SH2D4B: variants seen among roughly 807,000 people sequenced by gnomAD.
SH2D4B encodes the protein SH2 domain containing 4B.
In SH2D4B, 45 loss-of-function variants were observed where a neutral mutation model predicts 61.5. The observed-to-expected ratio is 0.73, with a 90% CI of 0.58 to 0.94. The LOEUF (loss-of-function observed/expected upper bound fraction) is 0.94, where lower values mean the gene tolerates loss of function less well. Among genes scored for constraint, SH2D4B ranks in the 40% least tolerant of loss-of-function variants. The pLI is 0.00. For synonymous variants in SH2D4B, 224 were observed against 220.4 expected (o/e 1.02, Z -0.14); for missense variants, 572 against 574.2 (o/e 1.00, Z 0.04).
chr10:80,630,741 G>A (rs1842822856), intron 6 of SH2D4B, among the ~76,000 whole-genome samples: 1 of 152,148 alleles, frequency 6.6e-6, no homozygotes, highest in Non-Finnish European at 1.5e-5. Flanking sequence ...GGAGAGAAGA[G>A]GATGGGGCTT....
intron 4 of SH2D4B, among the ~76,000 whole-genome samples, chr10:80,591,377 A>C (rs754981502): frequency 2.0e-5 from 3 of 151,854 alleles, no homozygotes; most frequent in Non-Finnish European, 4.4e-5. Flanking sequence ...ATAGTTCTGG[A>C]GGCTGGGAAG....
intron 1 of SH2D4B, among the ~76,000 whole-genome samples, chr10:80,566,008 G>A (rs765747410): frequency 6.3e-5 from 9 of 143,394 alleles, no homozygotes; most frequent in African/African-American, 1.8e-4. Context: ...GGAAGATGGC[G>A]TGAACCCAGG....
chr10:80,615,779 G>C (rs528393531), intron 6 of SH2D4B, among the ~76,000 whole-genome samples: 1 of 152,328 alleles, frequency 6.6e-6, no homozygotes, highest in African/African-American at 2.4e-5. Context: ...TTGGGATCTT[G>C]GCAGTGTGGA....
chr10:80,635,940 A>G (rs1840157627), intron 7 of SH2D4B, among the ~76,000 whole-genome samples: 2 of 151,334 alleles, frequency 1.3e-5, no homozygotes, highest in East Asian at 1.9e-4. Flanking sequence ...TAATGCTATC[A>G]CTCCCCCTTC....
At chr10:80,634,256 T>G in intron 6 of SH2D4B, 29 bp from the exon 7 acceptor site, 24 of 1,482,706 alleles carry the variant, frequency 1.6e-5, no homozygotes, top group Non-Finnish European at 2.2e-5. Flanking sequence ...ACCTGCTGTG[T>G]TTTTTTGTTT....
intron 6 of SH2D4B, among the ~76,000 whole-genome samples, chr10:80,617,106 C>T (rs1842669915): frequency 6.6e-6 from 1 of 152,238 alleles, no homozygotes. Flanking sequence ...CATGCTCTTA[C>T]CTGTGATGCA....
intron 1 of SH2D4B, among the ~76,000 whole-genome samples, chr10:80,565,835 A>G (rs993630073): frequency 6.6e-6 from 1 of 152,076 alleles, no homozygotes; most frequent in African/African-American, 2.4e-5. Context: ...TCACGCCTGT[A>G]ATCCCAGCAC....
chr10:80,589,659 A>C (rs1052822597), intron 4 of SH2D4B, among the ~76,000 whole-genome samples: 1 of 152,192 alleles, frequency 6.6e-6, no homozygotes, highest in African/African-American at 2.4e-5. Flanking sequence ...CAGCAGACAG[A>C]TATATAGACT....
intron 4 of SH2D4B, among the ~76,000 whole-genome samples, chr10:80,593,132 A>C (rs1288549102): frequency 6.6e-6 from 1 of 152,192 alleles, no homozygotes; most frequent in Non-Finnish European, 1.5e-5. Flanking sequence ...GGGCAGTATG[A>C]GACCTCCATG....
intron 3 of SH2D4B, among the ~76,000 whole-genome samples, chr10:80,587,130 GTTTTTTTTTTTTTTT>G: frequency 1.5e-5 from 1 of 67,244 alleles, no homozygotes; most frequent in Non-Finnish European, 2.5e-5. Flanking sequence ...TTCCGGCCAC[GTTTTTTTTTTTTTTT>G]GTTTTGTTTT....
At chr10:80,543,306 CG>C (rs1447831941) in intron 1 of SH2D4B, among the ~76,000 whole-genome samples, 2 of 152,066 alleles carry the variant, frequency 1.3e-5, no homozygotes, top group African/African-American at 4.8e-5. Flanking sequence ...GCGCGAGTTC[CG>C]GGGGGCGTGG....
chr10:80,622,394 A>G lies in SH2D4B; in HGVS notation c.989-11891A>G, dbSNP rs149458783. 2.5e-3 allele frequency among the ~76,000 whole-genome samples: 376 copies of G among 152,242 alleles called. 2 individuals are homozygous for G. The highest frequency in any genetic ancestry group is 8.8e-3 in the African/African-American group (364 of 41,550). ...TTTTCTGTGGCTAAGTTTTACATGA[A>G]ATTAGTTTTCCTGAATTTTTGCAGT... On this transcript the variant is annotated intron_variant, in intron 6 of 7. Coordinates refer to ENST00000646907, the MANE Select transcript of SH2D4B (RefSeq NM_001388272.1).
At chr10:80,635,959 G>A (rs1389280997) in intron 7 of SH2D4B, among the ~76,000 whole-genome samples, 3 of 151,976 alleles carry the variant, frequency 2.0e-5, no homozygotes, top group East Asian at 3.9e-4. Flanking sequence ...TCCCCCAACC[G>A]CACAACAGGC....
intron 1 of SH2D4B, among the ~76,000 whole-genome samples, chr10:80,551,511 C>G (rs751589136): frequency 6.6e-6 from 1 of 151,864 alleles, no homozygotes; most frequent in Non-Finnish European, 1.5e-5. Context: ...TAGCAAAAGA[C>G]AAACAACCAA....
At chr10:80,552,994 C>A (rs1358116782) in intron 1 of SH2D4B, among the ~76,000 whole-genome samples, 1 of 152,148 alleles carries the variant, frequency 6.6e-6, no homozygotes, top group African/African-American at 2.4e-5. Context: ...TGGCTCACTG[C>A]AACCTCTGCC....
intron 1 of SH2D4B, among the ~76,000 whole-genome samples, chr10:80,555,238 A>G (rs1841816041): frequency 1.3e-5 from 2 of 152,198 alleles, no homozygotes; most frequent in Non-Finnish European, 2.9e-5. Flanking sequence ...TTCAATAAGG[A>G]CATCCTTTAG....
chr10:80,551,398 TA>T (rs985255555), intron 1 of SH2D4B, among the ~76,000 whole-genome samples: 1 of 151,744 alleles, frequency 6.6e-6, no homozygotes, highest in East Asian at 1.9e-4. Flanking sequence ...ATGCCAAACT[TA>T]AAAAAAGAAT....
At position 80,634,496 on chromosome 10, in the gene SH2D4B, T is replaced by G; in HGVS notation, c.1200T>G (p.Asp400Glu). The change falls in exon 7 of 8, where the codon GAT (aspartate) becomes GAG (glutamate). Residue 400 changes from aspartate to glutamate, a missense_variant. By Grantham distance (45) the Asp-to-Glu change is conservative (BLOSUM62 2). Coordinates refer to ENST00000646907, the MANE Select transcript of SH2D4B (RefSeq NM_001388272.1). ...ATGCAACGCTCACGGATCTCGTTGA[T>G]TTCCATAAGGTATCCCTCACAGGGA... The part of the protein sequence containing the change: ...NRHATLTDLV[D>E]FHKEEIITVS... 1 of 1,549,916 alleles carries G rather than the reference T, an allele frequency of 6.5e-7. No individual in the cohort carries two copies. Among genetic ancestry groups the G allele is most frequent in the Non-Finnish European group, 8.7e-7 (1 of 1,146,922 alleles).
At chr10:80,582,851 G>A (rs768003913) in intron 3 of SH2D4B, among the ~76,000 whole-genome samples, 15 of 152,138 alleles carry the variant, frequency 9.9e-5, no homozygotes, top group Non-Finnish European at 1.9e-4. Flanking sequence ...TCCAATTCCT[G>A]GAATGCTGGG....
Sources: gnomAD v4.1 joint callset for allele counts (sites outside exome capture counted in the v4.1 genomes callset) on GRCh38, gnomAD v4.1.1 for gene constraint, MANE v1.5 for transcripts, NCBI Gene and HGNC (gene_info 2026-07-23, HGNC 2026-07-21) for gene names.